The following R3HCC1L variants were observed in gnomAD, a reference collection of about 807,000 sequenced individuals.
R3HCC1L encodes R3H domain and coiled-coil containing 1 like, also known as coiled-coil domain-containing protein R3HCC1L.
In R3HCC1L, 51 loss-of-function variants were observed where a neutral mutation model predicts 59.9. The observed-to-expected ratio is 0.85, with a 90% CI of 0.68 to 1.07. R3HCC1L has a LOEUF of 1.07. Among genes scored for constraint, R3HCC1L ranks in the 50% least tolerant of loss-of-function variants. R3HCC1L has a pLI of 0.00. For synonymous variants in R3HCC1L, 322 were observed against 315.2 expected (o/e 1.02, Z -0.23); for missense variants, 965 against 933.0 (o/e 1.03, Z -0.45).
At chr10:98,183,160 C>A (rs61875278) in intron 4 of R3HCC1L, among the ~76,000 whole-genome samples, 2 of 152,054 alleles carry the variant, frequency 1.3e-5, no homozygotes, top group African/African-American at 4.8e-5. Flanking sequence ...TGTTCCTATT[C>A]GGCCGTCTTG....
At position 98,209,388 on chromosome 10, in the gene R3HCC1L, T is replaced by G; in HGVS notation, c.1274T>G (p.Leu425Arg). 1.2e-6 allele frequency: 2 copies of G among 1,613,930 alleles called. No individual in the cohort carries two copies. The highest frequency in any genetic ancestry group is 1.7e-6 in the Non-Finnish European group (2 of 1,179,974). ...GGAATGAGTGCAGATGCAACCCCTC[T>G]TCATGTAGCTAGAAGTGGGAATGAC... ...FVGMSADATP[L>R]HVARSGNDTE... Residue 425 changes from leucine (L) to arginine (R), a missense_variant, in exon 5 of 10, where the codon CTT (leucine) becomes CGT (arginine). Leu to Arg is a moderately radical substitution (Grantham distance 102). Transcript: ENST00000298999.
intron 9 of R3HCC1L, among the ~76,000 whole-genome samples, chr10:98,242,208 A>G (rs374982739): frequency 6.6e-6 from 1 of 152,120 alleles, no homozygotes; most frequent in Non-Finnish European, 1.5e-5. Context: ...TTAGCCAGGC[A>G]TGGTGGCATG....
intron 5 of R3HCC1L, among the ~76,000 whole-genome samples, chr10:98,228,220 T>A (rs1212306272): frequency 6.6e-6 from 1 of 152,242 alleles, no homozygotes; most frequent in Non-Finnish European, 1.5e-5. Flanking sequence ...GTGTTCCTGT[T>A]TCTCCACATC....
chr10:98,160,544 G>T (rs2134165253), intron 2 of R3HCC1L, among the ~76,000 whole-genome samples: 1 of 152,278 alleles, frequency 6.6e-6, no homozygotes, highest in Non-Finnish European at 1.5e-5. Flanking sequence ...TAAAAACCGT[G>T]TTCAAAAGTT....
At chr10:98,195,109 G>A (rs540448792) in intron 4 of R3HCC1L, among the ~76,000 whole-genome samples, 1 of 152,246 alleles carries the variant, frequency 6.6e-6, no homozygotes, top group Admixed American at 6.5e-5. Flanking sequence ...AATATGGCAT[G>A]TACCTACAAC....
intron 5 of R3HCC1L, among the ~76,000 whole-genome samples, chr10:98,216,909 G>T (rs775421598): frequency 6.6e-6 from 1 of 151,952 alleles, no homozygotes; most frequent in African/African-American, 2.4e-5. Context: ...CATGCATTTG[G>T]ACAAAATAAT....
chr10:98,233,231 A>G (rs1355051846), intron 6 of R3HCC1L, among the ~76,000 whole-genome samples: 1 of 152,162 alleles, frequency 6.6e-6, no homozygotes, highest in East Asian at 1.9e-4. Context: ...AACTCTTACA[A>G]ACTATTTACT....
chr10:98,181,667 T>C lies in R3HCC1L; in HGVS notation c.-15+18270T>C, dbSNP rs566420701. 3.3e-5 allele frequency among the ~76,000 whole-genome samples: 5 copies of C among 152,312 alleles called. No homozygotes were observed. The South Asian group carries it at 1.0e-3, about 32-fold the overall frequency. On this transcript the variant is annotated intron_variant, in intron 4 of 9. Coordinates refer to ENST00000298999, the MANE Select transcript of R3HCC1L (RefSeq NM_001351015.2). ...TTCAGGTATACCACTCAAACGTAGATTTGGTCTTTTCACATAGTCCCATAT... is the reference window on the plus strand; with the variant it reads ...TTCAGGTATACCACTCAAACGTAGACTTGGTCTTTTCACATAGTCCCATAT...
At chr10:98,211,309 G>T (rs1016392213) in intron 5 of R3HCC1L, 2 of 1,513,428 alleles carry the variant, frequency 1.3e-6, no homozygotes, top group Admixed American at 2.0e-5. Context: ...TTTTTCAGGG[G>T]ATTCTGATGC....
chr10:98,163,473 G>T, intron 4 of R3HCC1L, 76 bp downstream of exon 4: 1 of 940,924 alleles, frequency 1.1e-6, no homozygotes. Flanking sequence ...CTTGTATTTT[G>T]TTTCTTCAGT....
chr10:98,138,774 G>A (rs1437690705), intron 1 of R3HCC1L, among the ~76,000 whole-genome samples: 4 of 151,994 alleles, frequency 2.6e-5, no homozygotes, highest in Non-Finnish European at 4.4e-5. Context: ...GACAGACCAA[G>A]GTCTGAATCC....
intron 5 of R3HCC1L, among the ~76,000 whole-genome samples, chr10:98,225,390 CCTT>C (rs1489569320): frequency 3.3e-5 from 5 of 152,216 alleles, no homozygotes; most frequent in Non-Finnish European, 7.3e-5. Context: ...CAAATCCTCT[CCTT>C]CTTTCTGTCA....
chr10:98,210,396 A>G (rs1394771550), intron 5 of R3HCC1L, among the ~76,000 whole-genome samples: 1 of 152,206 alleles, frequency 6.6e-6, no homozygotes, highest in African/African-American at 2.4e-5. Context: ...TTGAAGAATG[A>G]ATTACCCATT....
At position 98,208,320 on chromosome 10, in the gene R3HCC1L, G is replaced by C; in HGVS notation, c.206G>C (p.Arg69Pro). 1 of 1,614,106 alleles carries C rather than the reference G, an allele frequency of 6.2e-7. No homozygotes were observed. The highest frequency in any genetic ancestry group is 8.5e-7 in the Non-Finnish European group (1 of 1,180,014). Residue 69 changes from arginine (R) to proline (P), a missense_variant, in exon 5 of 10, where the codon CGA (arginine) becomes CCA (proline). Transcript: ENST00000298999. Reference protein sequence around the residue: ...KEVFKDKPEARRLNINPDRKE... With the variant: ...KEVFKDKPEAPRLNINPDRKE... The stretch of plus-strand genomic sequence containing the variant: ...GTCTTTAAAGACAAACCGGAGGCTC[G>C]AAGACTAAATATCAATCCTGATAGA...
chr10:98,163,190 C>A, intron 3 of R3HCC1L, 103 bp from the exon 4 acceptor site: 1 of 370,680 alleles, frequency 2.7e-6, no homozygotes. Flanking sequence ...GTGTTAAACT[C>A]TTAGATTTAC....
chr10:98,194,657 A>G (rs929625630), intron 4 of R3HCC1L, among the ~76,000 whole-genome samples: 1 of 152,174 alleles, frequency 6.6e-6, no homozygotes, highest in African/African-American at 2.4e-5. Flanking sequence ...AAATGAGCAG[A>G]ACCCAAATAA....
chr10:98,213,921 C>CA (rs927289491), intron 5 of R3HCC1L, among the ~76,000 whole-genome samples: 12 of 152,062 alleles, frequency 7.9e-5, no homozygotes, highest in African/African-American at 2.9e-4. Flanking sequence ...CTAATGCAGT[C>CA]AGTTGGGACA....
At chr10:98,151,968 C>T (rs999940727) in intron 1 of R3HCC1L, among the ~76,000 whole-genome samples, 2 of 152,146 alleles carry the variant, frequency 1.3e-5, no homozygotes, top group Non-Finnish European at 1.5e-5. Context: ...CACGGTCTCC[C>T]TCGCCCTCTT....
chr10:98,188,031 A>T (rs1016919616), intron 4 of R3HCC1L, among the ~76,000 whole-genome samples: 1 of 152,066 alleles, frequency 6.6e-6, no homozygotes, highest in Non-Finnish European at 1.5e-5. Context: ...GGCAGGACCC[A>T]TTATACTTGG....
Sources: gnomAD v4.1 joint callset for allele counts (sites outside exome capture counted in the v4.1 genomes callset) on GRCh38, gnomAD v4.1.1 for gene constraint, MANE v1.5 for transcripts, NCBI Gene and HGNC (gene_info 2026-07-23, HGNC 2026-07-21) for gene names.